The following COQ6 variants were observed in gnomAD, a reference collection of about 807,000 sequenced individuals.
The protein encoded by COQ6 is coenzyme Q6, monooxygenase, also known as ubiquinone biosynthesis monooxygenase COQ6, mitochondrial.
A neutral mutation model predicts 55.5 loss-of-function variants in COQ6; 45 were observed. The ratio of observed to expected loss-of-function variants is 0.81; its 90% CI spans 0.64 to 1.04. The LOEUF (loss-of-function observed/expected upper bound fraction) is 1.04, where lower values mean the gene tolerates loss of function less well. Ranked by LOEUF, COQ6 falls within the 50% of genes least tolerant of loss-of-function variation. The probability of loss-of-function intolerance (pLI) is 0.00; values close to 1 mark genes in which losing one functional copy is unlikely to be tolerated. For synonymous variants in COQ6, 206 were observed against 230.5 expected (o/e 0.89, Z 0.96); for missense variants, 550 against 601.3 (o/e 0.91, Z 0.89).
intron 1 of COQ6, among the ~76,000 whole-genome samples, chr14:73,952,701 TTC>T (rs2056249386): frequency 6.6e-6 from 1 of 152,128 alleles, no homozygotes; most frequent in Non-Finnish European, 1.5e-5. Flanking sequence ...CTCTAATTCT[TTC>T]TTTTTGAGAC....
chr14:73,953,437 T>TATG lies in COQ6; in HGVS notation c.169_171dup (p.Asp57dup). On this transcript the variant is annotated inframe_insertion, in exon 2 of 12. Transcript: ENST00000334571. ...GATATAAATTTTCTTTTTTTAAGGA[T>TATG]ATGATATTCACTTTCATGACAAGAA... The TATG allele has an allele frequency of 6.2e-7, 1 of 1,613,228 alleles. No homozygotes were observed. The highest frequency in any genetic ancestry group is 8.5e-7 in the Non-Finnish European group (1 of 1,179,188).
rs776645740 is a variant in COQ6, at chr14:73,959,438, G to C, written c.807G>C (p.Leu269Phe). 1.2e-6 allele frequency: 2 copies of C among 1,614,180 alleles called. No homozygotes were observed. Among genetic ancestry groups the C allele is most frequent in the Admixed American group, 3.3e-5 (2 of 60,020 alleles). ...LLPLSDTLSS[L>F]VWSTSHEHAA... ...AGCTCTCAGACACCTTGAGTTCCTT[G>C]GTTTGGTCCACGTCCCATGAACATG... Residue 269 changes from leucine (L) to phenylalanine (F), a missense_variant, in exon 8 of 12, where the codon TTG becomes TTC. Leu to Phe is a conservative substitution (Grantham distance 22). Transcript: ENST00000334571.
chr14:73,950,064 T>TAGTG (rs766670720), upstream of COQ6: 36 of 1,609,120 alleles, frequency 2.2e-5, no homozygotes, highest in Non-Finnish European at 3.0e-5. Flanking sequence ...GTGACAGCGA[T>TAGTG]AGTGGCAGCA....
At position 73,961,864 on chromosome 14, in the gene COQ6, G is replaced by A. The variant is rs557785330; in HGVS notation, c.1338G>A (p.Thr446=). The change falls in exon 11 of 12, where the codon ACG becomes ACA. Residue 446 remains threonine, a synonymous_variant. Coordinates refer to ENST00000334571, the MANE Select transcript of COQ6 (RefSeq NM_182476.3). ...CCTCCCCGCTTGTGTTGCTCAGGAC[G>A]TGGGGCTTGCAGGCCACAAATGCAG... ...TSASPLVLLR[T]WGLQATNAVS... 1.9e-5 allele frequency: 31 copies of A among 1,614,190 alleles called. No homozygotes were observed. Among genetic ancestry groups the A allele is most frequent in the South Asian group, 4.4e-5 (4 of 91,078 alleles).
intron 2 of COQ6, 33 bp from the exon 3 acceptor site, chr14:73,955,418 G>A: frequency 1.9e-6 from 3 of 1,589,268 alleles, no homozygotes; most frequent in South Asian, 1.1e-5. Flanking sequence ...TCCTTGTGAA[G>A]TCACTCTGGT....
At chr14:73,951,456 C>T (rs569185009) in intron 1 of COQ6, among the ~76,000 whole-genome samples, 2 of 151,744 alleles carry the variant, frequency 1.3e-5, no homozygotes, top group East Asian at 3.9e-4. Flanking sequence ...CTCACTGCAA[C>T]CTCTGGGATT....
intron 1 of COQ6, among the ~76,000 whole-genome samples, chr14:73,953,084 A>G (rs2140365509): frequency 6.6e-6 from 1 of 152,304 alleles, no homozygotes; most frequent in East Asian, 1.9e-4. Context: ...TAGTGACTTA[A>G]TACTCTGGAG....
chr14:73,962,324 C>T (rs982010361), intron 11 of COQ6, among the ~76,000 whole-genome samples: 7 of 151,974 alleles, frequency 4.6e-5, no homozygotes, highest in Admixed American at 2.6e-4. Context: ...CCAAGGGTTA[C>T]AAGCAGAAGA....
chr14:73,950,301 G>C (rs1309539789), upstream of COQ6: 17 of 1,543,234 alleles, frequency 1.1e-5, no homozygotes, highest in Non-Finnish European at 1.5e-5. Flanking sequence ...GGGCCTGCGG[G>C]AGTTCTGAGT....
At position 73,963,102 on chromosome 14, in the gene COQ6, T is replaced by A; in HGVS notation, c.*103T>A. 1 of 998,860 alleles carries A rather than the reference T, an allele frequency of 1.0e-6. No homozygotes were observed. Among genetic ancestry groups the A allele is most frequent in the South Asian group, 1.3e-5 (1 of 75,164 alleles). The allele number at this position is 998,860 out of a possible 1,614,324, so 61.9% of individuals were successfully genotyped here. The stretch of plus-strand genomic sequence containing the variant: ...TCTTATTTAATTTAATAAACTTACT[T>A]TACATTAAAATTCTCTTTTTCTTCT... On this transcript the variant is annotated 3_prime_UTR_variant, in exon 12 of 12. Coordinates refer to ENST00000334571, the MANE Select transcript of COQ6 (RefSeq NM_182476.3).
intron 8 of COQ6, chr14:73,959,729 C>G (rs542824517): frequency 8.6e-7 from 1 of 1,157,442 alleles, no homozygotes; most frequent in South Asian, 1.6e-5. Flanking sequence ...GCCACCATGC[C>G]CAGCTAATTT....
At chr14:73,953,284 T>C (rs1423286342) in intron 1 of COQ6, 151 bp from the exon 2 acceptor site, 10 of 732,132 alleles carry the variant, frequency 1.4e-5, no homozygotes, top group Non-Finnish European at 1.2e-5. Flanking sequence ...TGGTATATGT[T>C]ATTGCTTAGG....
rs758688017 is a variant in COQ6 at position 73,955,502 on chromosome 14, G to A, written c.350G>A (p.Arg117Gln). The A allele has an allele frequency of 2.8e-5, 45 of 1,613,798 alleles. No individual in the cohort carries two copies. The East Asian group carries it at 8.2e-4, about 30-fold the overall frequency. The change falls in exon 3 of 12, where the codon CGA (arginine) becomes CAA (glutamine). Residue 117 changes from arginine to glutamine, a missense_variant. Transcript: ENST00000334571. ...ICNMRYRAFR[R>Q]MQVWDACSEA... ...AACATGAGATACAGAGCCTTTCGGC[G>A]AATGCAGGTGCCCCTTTATCTTTTC...
chr14:73,959,578 GTTGT>G (rs1566690064), intron 8 of COQ6, 56 bp downstream of exon 8: 2 of 1,608,970 alleles, frequency 1.2e-6, no homozygotes, highest in Admixed American at 1.7e-5. Context: ...ACAGAAAGGT[GTTGT>G]TTTTTTTTTT....
At chr14:73,953,360 C>T (rs1167517383) in intron 1 of COQ6, 75 bp from the exon 2 acceptor site, 6 of 1,276,132 alleles carry the variant, frequency 4.7e-6, no homozygotes, top group African/African-American at 1.5e-5. Context: ...TAAGTGGTTA[C>T]TCTGTTGTTT....
upstream of COQ6, chr14:73,950,293 G>T (rs78801603): frequency 4.7e-3 from 7,293 of 1,541,696 alleles, 293 homozygotes; most frequent in African/African-American, 0.087. Flanking sequence ...ACGTAGGTGG[G>T]CCTGCGGGAG....
At chr14:73,953,371 C>G in intron 1 of COQ6, 64 bp from the exon 2 acceptor site, 1 of 1,398,580 alleles carries the variant, frequency 7.2e-7, no homozygotes, top group Non-Finnish European at 1.0e-6. Flanking sequence ...TCTGTTGTTT[C>G]TCTTGGTAAT....
chr14:73,956,098 G>A, intron 4 of COQ6, 170 bp downstream of exon 4: 1 of 832,196 alleles, frequency 1.2e-6, no homozygotes, highest in South Asian at 1.4e-5. Context: ...GCTAAGGCGG[G>A]CGGATCACGA....
intron 1 of COQ6, among the ~76,000 whole-genome samples, chr14:73,952,983 C>T (rs999664926): frequency 2.6e-5 from 4 of 152,138 alleles, no homozygotes; most frequent in South Asian, 2.1e-4. Flanking sequence ...CCTTTATAAA[C>T]TCTAATTCTT....
Sources: gnomAD v4.1 joint callset for allele counts (sites outside exome capture counted in the v4.1 genomes callset) on GRCh38, gnomAD v4.1.1 for gene constraint, MANE v1.5 for transcripts, NCBI Gene and HGNC (gene_info 2026-07-23, HGNC 2026-07-21) for gene names.